The following CMYA5 variants were observed in gnomAD, a reference collection of about 807,000 sequenced individuals.
CMYA5 encodes the protein cardiomyopathy-associated protein 5.
CMYA5 carries 246 observed loss-of-function variants against 318.9 expected under a neutral mutation model. The observed-to-expected ratio is 0.77, with a 90% CI of 0.70 to 0.86. The LOEUF is 0.86. Ranked by LOEUF, CMYA5 falls within the 40% of genes least tolerant of loss-of-function variation. CMYA5 has a pLI of 0.00. For synonymous variants in CMYA5, 1,641 were observed against 1,729.5 expected, an observed-to-expected ratio of 0.95 and a Z score of 1.27; for missense variants, 4,589 against 4,678.2, an observed-to-expected ratio of 0.98 and a Z score of 0.56.
At chr5:79,750,426 C>A (rs1828408427) in intron 5 of CMYA5, among the ~76,000 whole-genome samples, 1 of 152,170 alleles carries the variant, frequency 6.6e-6, no homozygotes. Context: ...CAACAGCAGA[C>A]TATTAGTAGC....
At chr5:79,776,469 C>A (rs757743416) in intron 9 of CMYA5, among the ~76,000 whole-genome samples, 28 of 152,112 alleles carry the variant, frequency 1.8e-4, no homozygotes, top group African/African-American at 6.8e-4. Flanking sequence ...TAATGTTGCT[C>A]ATGTTCTCAA....
chr5:79,732,505 T>C lies in CMYA5; in HGVS notation c.3740T>C (p.Val1247Ala), dbSNP rs1367854104. Residue 1247 changes from valine to alanine, a missense_variant, in exon 2 of 13, where the codon GTA (valine) becomes GCA (alanine). This residue lies in a region of CMYA5 where 2,132 missense variants were observed against 2,131.3 expected (regional missense o/e 1.00). Coordinates refer to ENST00000446378, the MANE Select transcript of CMYA5 (RefSeq NM_153610.5). ...EMKYSVLPDM[V>A]DEPKKGVKPK... ...AAATATTCAGTTTTGCCTGACATGG[T>C]AGATGAGCCAAAGAAGGGTGTCAAG... The C allele has an allele frequency of 1.9e-6, 3 of 1,613,240 alleles. No individual in the cohort carries two copies. The highest frequency in any genetic ancestry group is 2.5e-6 in the Non-Finnish European group (3 of 1,179,616).
chr5:79,772,997 C>A (rs1361450226), intron 9 of CMYA5, among the ~76,000 whole-genome samples: 1 of 152,188 alleles, frequency 6.6e-6, no homozygotes, highest in African/African-American at 2.4e-5. Context: ...TCAATAAATA[C>A]AAACAATTCC....
At chr5:79,721,204 T>A (rs919487000) in intron 1 of CMYA5, among the ~76,000 whole-genome samples, 4 of 152,002 alleles carry the variant, frequency 2.6e-5, no homozygotes, top group African/African-American at 9.7e-5. Flanking sequence ...AAAAATTCAA[T>A]CCAAAATAAG....
chr5:79,701,184 G>A (rs983458012), intron 1 of CMYA5, among the ~76,000 whole-genome samples: 2 of 152,000 alleles, frequency 1.3e-5, no homozygotes, highest in East Asian at 3.9e-4. Context: ...AGCAGGTAGA[G>A]GTTGTAGTGA....
At chr5:79,708,363 T>C (rs1414465682) in intron 1 of CMYA5, among the ~76,000 whole-genome samples, 1 of 152,234 alleles carries the variant, frequency 6.6e-6, no homozygotes, top group African/African-American at 2.4e-5. Flanking sequence ...GGCTCACGCC[T>C]GTAATCTCAG....
At chr5:79,790,722 A>G (rs528826820) in intron 10 of CMYA5, among the ~76,000 whole-genome samples, 1 of 152,380 alleles carries the variant, frequency 6.6e-6, no homozygotes, top group African/African-American at 2.4e-5. Context: ...AGCACACTGC[A>G]CAGCAGATGA....
chr5:79,763,339 G>A (rs549407760), intron 9 of CMYA5, 130 bp downstream of exon 9: 13 of 791,126 alleles, frequency 1.6e-5, no homozygotes, highest in African/African-American at 3.5e-5. Context: ...TAATGAAGCC[G>A]CTGACTTGAT....
At chr5:79,722,394 T>G (rs902298681) in intron 1 of CMYA5, among the ~76,000 whole-genome samples, 15 of 152,162 alleles carry the variant, frequency 9.9e-5, no homozygotes, top group Non-Finnish European at 1.9e-4. Context: ...GAATCTATCT[T>G]GGCTATGTGC....
Position 79,739,199 on chromosome 5 carries a change from A to G in CMYA5, c.10434A>G (p.Gln3478=). The G allele has an allele frequency of 6.2e-7, 1 of 1,613,526 alleles. No individual in the cohort carries two copies. Among genetic ancestry groups the G allele is most frequent in the Non-Finnish European group, 8.5e-7 (1 of 1,179,700 alleles). The stretch of plus-strand genomic sequence containing the variant: ...CAGAACAAAGTACACCTGCTGAACA[A>G]AAAGAGTTGGGCAGCGAGAGGAAAG... ...SEAEQSTPAE[Q]KELGSERKEE... The change falls in exon 2 of 13, where the codon CAA becomes CAG. Residue 3478 remains glutamine (Q), a synonymous_variant. Coordinates refer to ENST00000446378, the MANE Select transcript of CMYA5 (RefSeq NM_153610.5).
Position 79,799,872 on chromosome 5 carries a change from A to AACCAAC in CMYA5, c.*257_*258insCCAACA. On this transcript the variant is annotated 3_prime_UTR_variant, in exon 13 of 13. Coordinates refer to ENST00000446378, the MANE Select transcript of CMYA5 (RefSeq NM_153610.5). ...TAAGTTTGAGTTCTTTCCTAAATTA[A>AACCAAC]AAGATCTACACTTGAGTTGGGAACC... The AACCAAC allele has an allele frequency of 5.3e-5, 9 of 171,408 alleles. No homozygotes were observed. Among genetic ancestry groups the AACCAAC allele is most frequent in the South Asian group, 2.8e-4 (2 of 7,158 alleles). The allele number at this position is 171,408 out of a possible 1,614,324, so 10.6% of individuals were successfully genotyped here.
intron 1 of CMYA5, among the ~76,000 whole-genome samples, chr5:79,710,585 T>C (rs1399468296): frequency 2.0e-5 from 3 of 152,344 alleles, no homozygotes; most frequent in Admixed American, 1.3e-4. Flanking sequence ...AGAATGCTGA[T>C]ATATTAAAAG....
At chr5:79,718,828 C>G (rs1455778584) in intron 1 of CMYA5, among the ~76,000 whole-genome samples, 1 of 152,136 alleles carries the variant, frequency 6.6e-6, no homozygotes, top group Non-Finnish European at 1.5e-5. Context: ...TACAAATACT[C>G]ACCATTGCAT....
At position 79,738,174 on chromosome 5, in the gene CMYA5, G is replaced by A; in HGVS notation, c.9409G>A (p.Asp3137Asn). The change falls in exon 2 of 13, where the codon GAC (aspartate) becomes AAC (asparagine). Residue 3137 changes from aspartate (D) to asparagine (N), a missense_variant. Coordinates refer to ENST00000446378, the MANE Select transcript of CMYA5 (RefSeq NM_153610.5). ...HPETQSQNSA[D>N]RNVSKDTKRD... ...AGAGACCCAAAGCCAAAACTCAGCT[G>A]ACAGGAATGTTTCAAAGGACACAAA... is the stretch of plus-strand genomic sequence containing the variant. 6.2e-7 allele frequency: 1 copy of A among 1,613,858 alleles called. No individual in the cohort carries two copies.
intron 1 of CMYA5, among the ~76,000 whole-genome samples, chr5:79,716,193 T>C (rs1473237151): frequency 6.6e-6 from 1 of 152,244 alleles, no homozygotes; most frequent in African/African-American, 2.4e-5. Flanking sequence ...AGAATTACTC[T>C]CTTTTCTTTG....
intron 9 of CMYA5, among the ~76,000 whole-genome samples, chr5:79,775,986 C>T (rs764215075): frequency 6.6e-6 from 1 of 152,198 alleles, no homozygotes; most frequent in Non-Finnish European, 1.5e-5. Flanking sequence ...TAGAATCTTT[C>T]TGCTGGGACC....
chr5:79,738,671 T>A lies in CMYA5; in HGVS notation c.9906T>A (p.Tyr3302Ter). The change falls in exon 2 of 13, where the codon TAT becomes TAA. Residue 3302 changes from tyrosine to a stop codon, truncating the protein, a stop_gained. Coordinates refer to ENST00000446378, the MANE Select transcript of CMYA5 (RefSeq NM_153610.5). LOFTEE classifies it high-confidence loss of function. The part of the protein sequence containing the change: ...EKSLEEQKGV[Y>*]GEGESVDHVE... ...GTCTGGAAGAACAGAAAGGTGTTTA[T>A]GGGGAAGGAGAATCAGTAGACCATG... 1 of 1,613,900 alleles carries A rather than the reference T, an allele frequency of 6.2e-7. No homozygotes were observed. The highest frequency in any genetic ancestry group is 2.2e-5 in the East Asian group (1 of 44,880).
At position 79,745,363 on chromosome 5, in the gene CMYA5, G is replaced by A. The variant is rs1042318984; in HGVS notation, c.10876G>A (p.Val3626Ile). 1 of 1,613,936 alleles carries A rather than the reference G, an allele frequency of 6.2e-7. No individual in the cohort carries two copies. The highest frequency in any genetic ancestry group is 8.5e-7 in the Non-Finnish European group (1 of 1,179,878). Residue 3626 changes from valine to isoleucine, a missense_variant, in exon 4 of 13, where the codon GTC becomes ATC. Transcript: ENST00000446378. ...GATGGAGTTCCTGCATGAGCAGATG[G>A]TCCACTTTCTGCAGAGCATGGACAC... ...KKMEFLHEQM[V>I]HFLQSMDTAK...
chr5:79,719,819 C>A (rs568175793), intron 1 of CMYA5, among the ~76,000 whole-genome samples: 1 of 151,974 alleles, frequency 6.6e-6, no homozygotes, highest in Non-Finnish European at 1.5e-5. Flanking sequence ...AAGAATGATG[C>A]TTATGTGATG....
Sources: allele counts gnomAD v4.1 joint callset (sites outside exome capture counted in the v4.1 genomes callset), GRCh38; gene constraint gnomAD v4.1.1; regional missense constraint gnomAD v4.1.1; transcripts MANE v1.5; gene names NCBI Gene and HGNC (gene_info 2026-07-23, HGNC 2026-07-21).